Variants in USP15 observed in about 807,000 individuals in gnomAD.
USP15 encodes the protein ubiquitin specific peptidase 15, also known as ubiquitin carboxyl-terminal hydrolase 15.
Under a neutral mutation model 127.1 loss-of-function variants are expected in USP15, and 18 were observed. The ratio of observed to expected loss-of-function variants is 0.14; its 90% confidence interval spans 0.10 to 0.21. USP15 has a LOEUF of 0.21. Ranked by LOEUF, USP15 falls within the 10% of genes least tolerant of loss-of-function variation. USP15 has a pLI of 1.00. For synonymous variants in USP15, 364 were observed against 393.7 expected (o/e 0.92, Z 0.89); for missense variants, 805 against 1,159.9 (o/e 0.69, Z 4.44).
intron 8 of USP15, among the ~76,000 whole-genome samples, chr12:62,379,937 A>G (rs1217439913): frequency 6.6e-6 from 1 of 152,058 alleles, no homozygotes; most frequent in African/African-American, 2.4e-5. Context: ...AGATTATGAG[A>G]GAGGTTGAGA....
chr12:62,329,195 A>G (rs2065213289), intron 6 of USP15, among the ~76,000 whole-genome samples: 1 of 152,196 alleles, frequency 6.6e-6, no homozygotes, highest in Non-Finnish European at 1.5e-5. Context: ...AACATGGTGA[A>G]ATCCTACCTC....
At chr12:62,375,238 T>TG (rs2066789720) in intron 8 of USP15, among the ~76,000 whole-genome samples, 1 of 152,144 alleles carries the variant, frequency 6.6e-6, no homozygotes, top group Non-Finnish European at 1.5e-5. Flanking sequence ...TGATAGTTGT[T>TG]GGGGAAATCA....
intron 19 of USP15, 159 bp from the exon 20 acceptor site, chr12:62,396,136 G>A (rs2067484096): frequency 3.2e-6 from 1 of 315,766 alleles, no homozygotes; most frequent in South Asian, 1.1e-4. Context: ...TTTGACTCAT[G>A]ATAATTTCCT....
chr12:62,363,011 A>G (rs2066362699), intron 8 of USP15, among the ~76,000 whole-genome samples: 1 of 152,212 alleles, frequency 6.6e-6, no homozygotes, highest in East Asian at 1.9e-4. Context: ...AGTTTGTGGA[A>G]TAATGTATGA....
chr12:62,281,649 A>G lies in USP15; in HGVS notation c.90-12530A>G, dbSNP rs578033727. Reference sequence around the variant, plus strand: ...CCACAGCACCTGGCCAGATTCTCCTATTTTTCTACTTTCCTGATGTTTCAT... The same window carrying G: ...CCACAGCACCTGGCCAGATTCTCCTGTTTTTCTACTTTCCTGATGTTTCAT... On this transcript the variant is annotated intron_variant, in intron 1 of 21. Transcript: ENST00000280377. Among the ~76,000 whole-genome samples the G allele has an allele frequency of 1.3e-3, 198 of 152,186 alleles. 2 individuals carry two copies. The highest frequency in any genetic ancestry group is 4.7e-4 in the Non-Finnish European group (32 of 67,986).
At chr12:62,389,397 T>G in intron 11 of USP15, 34 bp from the exon 12 acceptor site, 1 of 1,570,588 alleles carries the variant, frequency 6.4e-7, no homozygotes, top group Non-Finnish European at 8.6e-7. Flanking sequence ...TTTTCCAAAA[T>G]AATAAATTCA....
chr12:62,310,262 C>T (rs1050819842), intron 3 of USP15, among the ~76,000 whole-genome samples: 5 of 151,804 alleles, frequency 3.3e-5, no homozygotes, highest in African/African-American at 4.8e-5. Flanking sequence ...GGGTGTCCTT[C>T]ACCCAAATTC....
In USP15 at chr12:62,407,057, A is replaced by G. The variant is rs1446781958; in HGVS notation, c.*2682A>G. 1 of 152,176 alleles carries G rather than the reference A, an allele frequency of 6.6e-6. No homozygotes were observed. The highest frequency in any genetic ancestry group is 1.5e-5 in the Non-Finnish European group (1 of 68,028). The allele number at this position is 152,176 out of a possible 1,614,324, so 9.4% of individuals were successfully genotyped here. A position where few individuals can be genotyped will look rare whatever the true frequency, so the allele number is the denominator to read the frequency against. On this transcript the variant is annotated 3_prime_UTR_variant, in exon 22 of 22. Transcript: ENST00000280377. ...TCTAGCTTTGCCACTTAGCAATCATATGACTTTGAACTTAATCTTTGATAG... is the reference window on the plus strand; with the variant it reads ...TCTAGCTTTGCCACTTAGCAATCATGTGACTTTGAACTTAATCTTTGATAG...
intron 1 of USP15, among the ~76,000 whole-genome samples, chr12:62,275,614 G>C (rs1475866860): frequency 6.6e-6 from 1 of 151,992 alleles, no homozygotes; most frequent in Admixed American, 6.6e-5. Context: ...GAAAATACGA[G>C]AGTTGAGAGG....
rs143066939 is a variant in USP15 at position 62,297,944 on chromosome 12, A to G, written c.217+3638A>G. Reference sequence around the variant, plus strand: ...AAAACAAGAAAAATAAAAATTCACAAAATTAAAATATCAACAAGGAGCTAA... The same window carrying G: ...AAAACAAGAAAAATAAAAATTCACAGAATTAAAATATCAACAAGGAGCTAA... On this transcript the variant is annotated intron_variant, in intron 2 of 21. Transcript: ENST00000280377. 1.1e-3 allele frequency among the ~76,000 whole-genome samples: 174 copies of G among 152,346 alleles called. No homozygotes were observed. In the South Asian group the frequency reaches 0.016, roughly 14 times the overall value.
chr12:62,330,749 C>T (rs1250799033), intron 6 of USP15, among the ~76,000 whole-genome samples: 2 of 143,950 alleles, frequency 1.4e-5, no homozygotes, highest in African/African-American at 2.7e-5. Flanking sequence ...AACAAGACCC[C>T]GTCTCTACAA....
At chr12:62,368,807 A>AAT (rs2137513674) in intron 8 of USP15, among the ~76,000 whole-genome samples, 1 of 152,238 alleles carries the variant, frequency 6.6e-6, no homozygotes, top group Non-Finnish European at 1.5e-5. Context: ...ATTTACATTT[A>AAT]AGGTGAATAT....
intron 4 of USP15, among the ~76,000 whole-genome samples, chr12:62,316,386 A>AATAC (rs1176807227): frequency 1.1e-4 from 16 of 152,056 alleles, no homozygotes; most frequent in Non-Finnish European, 1.8e-4. Context: ...TTACAGATAA[A>AATAC]TTGCTTGACT....
At chr12:62,261,463 T>C (rs2063054798) in intron 1 of USP15, among the ~76,000 whole-genome samples, 1 of 152,180 alleles carries the variant, frequency 6.6e-6, no homozygotes, top group Non-Finnish European at 1.5e-5. Context: ...ACTGTTACCA[T>C]AACAGTAGTA....
At chr12:62,330,769 A>C (rs1004508084) in intron 6 of USP15, among the ~76,000 whole-genome samples, 1 of 151,002 alleles carries the variant, frequency 6.6e-6, no homozygotes, top group Non-Finnish European at 1.5e-5. Context: ...AAAAAAAAAA[A>C]ACAAAAATTA....
chr12:62,312,251 T>C, intron 3 of USP15: 1 of 331,744 alleles, frequency 3.0e-6, no homozygotes, highest in Non-Finnish European at 6.2e-6. Flanking sequence ...ACTAGATTTT[T>C]TTAGAAATTA....
At chr12:62,332,765 T>C (rs1013038977) in intron 6 of USP15, among the ~76,000 whole-genome samples, 1 of 152,004 alleles carries the variant, frequency 6.6e-6, no homozygotes, top group African/African-American at 2.4e-5. Context: ...TGCTAATAGC[T>C]CTTACTCATA....
intron 3 of USP15, among the ~76,000 whole-genome samples, chr12:62,313,453 GT>G (rs2064742310): frequency 6.6e-6 from 1 of 151,140 alleles, no homozygotes; most frequent in South Asian, 2.1e-4. Context: ...GTTTACCTTA[GT>G]TTTAGTTACT....
At position 62,393,210 on chromosome 12, in the gene USP15, T is replaced by C. The variant is rs778275840; in HGVS notation, c.2570+8T>C. 1.2e-6 allele frequency: 2 copies of C among 1,610,706 alleles called. No homozygotes were observed. The highest frequency in any genetic ancestry group is 1.7e-6 in the Non-Finnish European group (2 of 1,178,160). Reference sequence around the variant, plus strand: ...AGTTGATTTTCCTATCAAGTAAGCTTTAATTGTACTTTATAAGCATTGGGC... The same window carrying C: ...AGTTGATTTTCCTATCAAGTAAGCTCTAATTGTACTTTATAAGCATTGGGC... On this transcript the variant is annotated splice_region_variant and intron_variant, in intron 19 of 21. Coordinates refer to ENST00000280377, the MANE Select transcript of USP15 (RefSeq NM_001252078.2).
Sources: gnomAD v4.1 joint callset for allele counts (sites outside exome capture counted in the v4.1 genomes callset) on GRCh38, gnomAD v4.1.1 for gene constraint, MANE v1.5 for transcripts, NCBI Gene and HGNC (gene_info 2026-07-23, HGNC 2026-07-21) for gene names.